The following APP variants were observed in gnomAD, a reference collection of about 807,000 sequenced individuals.
APP encodes amyloid beta precursor protein.
In APP, 31 loss-of-function variants were observed where a neutral mutation model predicts 101.4. That is an observed-to-expected ratio of 0.31 (90% CI 0.23 to 0.41). The LOEUF (loss-of-function observed/expected upper bound fraction) is 0.41, where lower values mean the gene tolerates loss of function less well. Ranked by LOEUF, APP falls within the 10% of genes least tolerant of loss-of-function variation. APP has a pLI of 1.00. For missense variants in APP, 839 were observed against 1,003.7 expected (o/e 0.84, Z 2.22); for synonymous variants, 366 against 364.4 (o/e 1.00, Z -0.05).
intron 6 of APP, among the ~76,000 whole-genome samples, chr21:26,010,577 A>C (rs1331570682): frequency 1.3e-5 from 2 of 152,018 alleles, no homozygotes; most frequent in Non-Finnish European, 2.9e-5. Context: ...TGGGAGGCCG[A>C]GATGGATGGA....
Position 25,897,565 on chromosome 21 carries a change from TTACG to T in APP, c.2064+4_2064+7del. 6.2e-7 allele frequency: 1 copy of T among 1,604,650 alleles called. No individual in the cohort carries two copies. The highest frequency in any genetic ancestry group is 1.1e-5 in the South Asian group (1 of 90,898). Reference sequence around the variant, plus strand: ...CAGTAGTGGAAAGAGGTAAATTATTTTACGTACCAATTTTTGATGATGAACTTCA... The same window carrying T: ...CAGTAGTGGAAAGAGGTAAATTATTTTACCAATTTTTGATGATGAACTTCA... On this transcript the variant is annotated splice_donor_5th_base_variant and intron_variant, in intron 16 of 17. Transcript: ENST00000346798.
intron 17 of APP, 102 bp from the exon 18 acceptor site, chr21:25,881,873 G>A: frequency 3.3e-6 from 4 of 1,214,524 alleles, no homozygotes; most frequent in Non-Finnish European, 4.7e-6. Context: ...CTCTTCTTTT[G>A]CCAAGATTGC....
intron 5 of APP, among the ~76,000 whole-genome samples, chr21:26,026,967 A>G (rs1344996259): frequency 6.6e-6 from 1 of 152,244 alleles, no homozygotes; most frequent in Non-Finnish European, 1.5e-5. Context: ...GGAGAATCTC[A>G]GTACCTTCTG....
intron 15 of APP, among the ~76,000 whole-genome samples, chr21:25,903,383 A>AAT (rs1165776257): frequency 2.7e-4 from 39 of 145,544 alleles, no homozygotes; most frequent in African/African-American, 1.0e-3. Context: ...AAAAAAAAAA[A>AAT]AAATCAAAAA....
intron 13 of APP, chr21:25,934,536 A>C (rs2040282739): frequency 6.6e-6 from 1 of 152,080 alleles, no homozygotes; most frequent in Non-Finnish European, 1.5e-5. Context: ...CCCAGGTTCA[A>C]GCAATTCTCC....
intron 3 of APP, among the ~76,000 whole-genome samples, chr21:26,054,627 T>TG (rs1555858884): frequency 3.5e-5 from 5 of 141,138 alleles, no homozygotes; most frequent in Admixed American, 1.5e-4. Context: ...AAAGTTTTTT[T>TG]TTTTTTTTTT....
chr21:25,993,103 C>A (rs1040197484), intron 8 of APP, among the ~76,000 whole-genome samples: 1 of 152,128 alleles, frequency 6.6e-6, no homozygotes. Context: ...TGAGCTTCTG[C>A]GGCAACAAAC....
At chr21:25,985,383 CCCT>C (rs574281141) in intron 8 of APP, among the ~76,000 whole-genome samples, 214 of 152,236 alleles carry the variant, frequency 1.4e-3, no homozygotes, top group African/African-American at 4.5e-3. Flanking sequence ...AAGTAAATCA[CCCT>C]CCTCAACATG....
chr21:25,996,749 C>T (rs753915853), intron 8 of APP, among the ~76,000 whole-genome samples: 3 of 152,208 alleles, frequency 2.0e-5, no homozygotes, highest in Non-Finnish European at 4.4e-5. Context: ...CCCGATTGTG[C>T]GGGATGCGCC....
intron 1 of APP, among the ~76,000 whole-genome samples, chr21:26,131,428 T>C (rs191803164): frequency 3.9e-5 from 6 of 152,212 alleles, no homozygotes; most frequent in Admixed American, 3.3e-4. Context: ...CAATTGCGCA[T>C]AGAGCAATAC....
chr21:25,893,215 C>G (rs1390654804), intron 16 of APP, among the ~76,000 whole-genome samples: 8 of 152,258 alleles, frequency 5.3e-5, no homozygotes, highest in African/African-American at 1.7e-4. Flanking sequence ...TGTGTTCTGT[C>G]TGCCCCCCAA....
At chr21:26,075,636 T>C (rs2061485867) in intron 3 of APP, among the ~76,000 whole-genome samples, 1 of 152,166 alleles carries the variant, frequency 6.6e-6, no homozygotes, top group Non-Finnish European at 1.5e-5. Flanking sequence ...AGAAAGCAGG[T>C]ATCTTAGAGG....
At chr21:26,044,170 T>C (rs979975704) in intron 5 of APP, among the ~76,000 whole-genome samples, 5 of 152,180 alleles carry the variant, frequency 3.3e-5, no homozygotes, top group Admixed American at 2.0e-4. Flanking sequence ...AAAGTCTGCA[T>C]AGTCCCAGCT....
chr21:25,924,380 A>AAT (rs1555896378), intron 13 of APP, among the ~76,000 whole-genome samples: 96 of 3,696 alleles, frequency 0.026, no homozygotes, highest in African/African-American at 0.036. Flanking sequence ...AAAGTATAAT[A>AAT]AAAAAAAAAA....
chr21:26,021,976 A>G lies in APP; in HGVS notation c.729T>C (p.Asp243=), dbSNP rs2044361949. Residue 243 remains aspartate (D), a synonymous_variant, in exon 6 of 18, where the codon GAT becomes GAC. Transcript: ENST00000346798. ...EVAEVEEEEA[D]DDEDDEDGDE... ...CACCATCCTCATCGTCCTCGTCATCATCGGCTTCTTCTTCTTCCACCTCAG... is the reference window on the plus strand; with the variant it reads ...CACCATCCTCATCGTCCTCGTCATCGTCGGCTTCTTCTTCTTCCACCTCAG... The G allele has an allele frequency of 6.2e-7, 1 of 1,613,944 alleles. No individual in the cohort carries two copies. Among genetic ancestry groups the G allele is most frequent in the Non-Finnish European group, 8.5e-7 (1 of 1,179,934 alleles).
At chr21:26,143,591 C>G (rs1380772770) in intron 1 of APP, among the ~76,000 whole-genome samples, 1 of 152,148 alleles carries the variant, frequency 6.6e-6, no homozygotes, top group African/African-American at 2.4e-5. Flanking sequence ...AACATTTACT[C>G]TCGCAGACGT....
At chr21:25,904,795 T>A (rs2038702332) in intron 15 of APP, among the ~76,000 whole-genome samples, 2 of 150,772 alleles carry the variant, frequency 1.3e-5, no homozygotes, top group Non-Finnish European at 3.0e-5. Context: ...CTCTTTTAGG[T>A]TTCAAAGGGA....
intron 5 of APP, among the ~76,000 whole-genome samples, chr21:26,048,350 C>T (rs1194985244): frequency 6.6e-6 from 1 of 151,812 alleles, no homozygotes; most frequent in Non-Finnish European, 1.5e-5. Context: ...AAGTATGTGG[C>T]TCACATTACA....
intron 13 of APP, chr21:25,934,122 A>G (rs1053180748): frequency 6.6e-6 from 1 of 152,148 alleles, no homozygotes; most frequent in African/African-American, 2.4e-5. Context: ...AGAGGTGGAG[A>G]TTGGAGGGGT....
Sources: allele counts gnomAD v4.1 joint callset (sites outside exome capture counted in the v4.1 genomes callset), GRCh38; gene constraint gnomAD v4.1.1; transcripts MANE v1.5; gene names NCBI Gene and HGNC (gene_info 2026-07-23, HGNC 2026-07-21).